LRRC4C: variants seen among roughly 807,000 people sequenced by gnomAD.
LRRC4C encodes leucine-rich repeat-containing protein 4C.
A neutral mutation model predicts 33.6 loss-of-function variants in LRRC4C; 5 were observed. The ratio of observed to expected loss-of-function variants is 0.15; its 90% CI spans 0.08 to 0.31. LRRC4C has a LOEUF of 0.31. Ranked by LOEUF, LRRC4C falls within the 10% of genes least tolerant of loss-of-function variation. The pLI, the probability that LRRC4C is intolerant of heterozygous loss-of-function variation, is 1.00. For missense variants in LRRC4C, 560 were observed against 796.7 expected (o/e 0.70, Z 3.58); for synonymous variants, 329 against 302.0 (o/e 1.09, Z -0.93).
At chr11:40,663,677 C>A (rs1269304327) in intron 2 of LRRC4C, among the ~76,000 whole-genome samples, 2 of 152,116 alleles carry the variant, frequency 1.3e-5, no homozygotes, top group Non-Finnish European at 2.9e-5. Context: ...AAGGCTCTAA[C>A]AGCAGAGGGA....
chr11:40,266,278 G>T (rs1207033271), intron 4 of LRRC4C, among the ~76,000 whole-genome samples: 1 of 151,856 alleles, frequency 6.6e-6, no homozygotes. Flanking sequence ...CCAGCCTGGG[G>T]ACAGAGTAAG....
chr11:40,536,087 C>G (rs1464119046), intron 3 of LRRC4C, among the ~76,000 whole-genome samples: 1 of 152,186 alleles, frequency 6.6e-6, no homozygotes, highest in Non-Finnish European at 1.5e-5. Context: ...TGTGACCTGT[C>G]TTTTTCCCAC....
At chr11:41,038,557 C>A (rs532673681) in intron 1 of LRRC4C, among the ~76,000 whole-genome samples, 2 of 152,214 alleles carry the variant, frequency 1.3e-5, no homozygotes, top group South Asian at 2.1e-4. Context: ...CTATCATGTA[C>A]TCTACAAGAT....
At chr11:41,306,036 A>G (rs909031453) in intron 1 of LRRC4C, among the ~76,000 whole-genome samples, 10 of 116,946 alleles carry the variant, frequency 8.6e-5, no homozygotes, top group Admixed American at 6.5e-4. Flanking sequence ...AAAAAAAAAA[A>G]AAAAGAAAGA....
chr11:41,136,827 G>A (rs16935388), intron 1 of LRRC4C, among the ~76,000 whole-genome samples: 7,002 of 152,226 alleles, frequency 0.046, 253 homozygotes, highest in African/African-American at 0.099. Flanking sequence ...CTGCCTATAA[G>A]GAATTGTTGC....
At position 41,043,066 on chromosome 11, in the gene LRRC4C, ACCTTTTT is replaced by A. The variant is rs1332882963; in HGVS notation, c.-495-109350_-495-109344del. 3.9e-3 allele frequency among the ~76,000 whole-genome samples: 466 copies of A among 118,432 alleles called. 2 individuals carry two copies. The highest frequency in any genetic ancestry group is 0.014 in the African/African-American group (444 of 31,192). 77.7% of individuals were successfully genotyped at this position (118,432 alleles called of 152,430 possible). ...AATCCAAAATGATTATACAGAATAG[ACCTTTTT>A]TTTTTTTTTTTTTTTTTTTGCATGA... On this transcript the variant is annotated intron_variant, in intron 1 of 6. Transcript: ENST00000528697.
At chr11:41,091,572 C>T (rs1940419222) in intron 1 of LRRC4C, among the ~76,000 whole-genome samples, 2 of 151,958 alleles carry the variant, frequency 1.3e-5, no homozygotes, top group Admixed American at 6.6e-5. Context: ...GGACATTGCA[C>T]AACAGATCCC....
chr11:41,081,114 G>C (rs377556413), intron 1 of LRRC4C, among the ~76,000 whole-genome samples: 13 of 152,248 alleles, frequency 8.5e-5, no homozygotes, highest in African/African-American at 2.9e-4. Context: ...TATTGTACCT[G>C]AGTTATTATA....
chr11:40,155,420 G>T (rs1858603347), intron 5 of LRRC4C, among the ~76,000 whole-genome samples: 1 of 151,888 alleles, frequency 6.6e-6, no homozygotes, highest in Admixed American at 6.6e-5. Flanking sequence ...ACAAAACCTG[G>T]TTCTTTGAAA....
intron 1 of LRRC4C, among the ~76,000 whole-genome samples, chr11:41,222,266 G>T (rs1299050544): frequency 6.6e-6 from 1 of 152,126 alleles, no homozygotes; most frequent in Non-Finnish European, 1.5e-5. Context: ...CTTGAATAAA[G>T]GTTCTATCAC....
intron 4 of LRRC4C, among the ~76,000 whole-genome samples, chr11:40,276,877 C>T (rs767270506): frequency 1.3e-5 from 2 of 151,990 alleles, no homozygotes; most frequent in African/African-American, 2.4e-5. Flanking sequence ...CATTGCCTCC[C>T]ATCTGGACCA....
intron 3 of LRRC4C, among the ~76,000 whole-genome samples, chr11:40,457,097 A>C (rs973616616): frequency 6.7e-6 from 1 of 148,718 alleles, no homozygotes; most frequent in African/African-American, 2.6e-5. Flanking sequence ...TGTATTTCTT[A>C]AAAAAGAAAA....
chr11:40,596,418 T>A (rs1454781403), intron 3 of LRRC4C, among the ~76,000 whole-genome samples: 4 of 152,090 alleles, frequency 2.6e-5, no homozygotes, highest in Admixed American at 1.3e-4. Context: ...GGGGTATCCA[T>A]CACCTCAAAC....
chr11:40,655,076 T>G (rs1023389083), intron 2 of LRRC4C, among the ~76,000 whole-genome samples: 1 of 152,216 alleles, frequency 6.6e-6, no homozygotes, highest in African/African-American at 2.4e-5. Context: ...CTTTATAAAT[T>G]AACCAGTCTC....
intron 1 of LRRC4C, among the ~76,000 whole-genome samples, chr11:41,227,546 C>T (rs1393144574): frequency 6.6e-6 from 1 of 151,968 alleles, no homozygotes; most frequent in African/African-American, 2.4e-5. Context: ...GCTCTGTGAC[C>T]CAGGATGCAG....
At chr11:40,688,033 A>T (rs557190897) in intron 2 of LRRC4C, among the ~76,000 whole-genome samples, 7 of 152,142 alleles carry the variant, frequency 4.6e-5, no homozygotes, top group African/African-American at 1.7e-4. Context: ...TTGTTCCATA[A>T]TAATGCCTGG....
intron 4 of LRRC4C, among the ~76,000 whole-genome samples, chr11:40,312,590 C>G (rs980740767): frequency 6.6e-6 from 1 of 152,102 alleles, no homozygotes; most frequent in Non-Finnish European, 1.5e-5. Context: ...GATTCCCAAC[C>G]CTTCATAGCA....
intron 5 of LRRC4C, among the ~76,000 whole-genome samples, chr11:40,220,233 A>G (rs908571840): frequency 3.3e-5 from 5 of 152,270 alleles, no homozygotes; most frequent in African/African-American, 2.4e-5. Context: ...ATAATCACTA[A>G]CATATGTCAA....
chr11:41,400,135 T>G (rs1020476809), intron 1 of LRRC4C, among the ~76,000 whole-genome samples: 29 of 151,966 alleles, frequency 1.9e-4, no homozygotes, highest in Admixed American at 6.6e-5. Flanking sequence ...CAGACCCTAG[T>G]TCAAATCTTT....
Sources: allele counts gnomAD v4.1 joint callset (sites outside exome capture counted in the v4.1 genomes callset), GRCh38; gene constraint gnomAD v4.1.1; transcripts MANE v1.5; gene names NCBI Gene and HGNC (gene_info 2026-07-23, HGNC 2026-07-21).